Variants in CDH13 observed in about 807,000 individuals in gnomAD.
CDH13 encodes cadherin 13.
Under a neutral mutation model 63.8 loss-of-function variants are expected in CDH13, and 24 were observed. That is an observed-to-expected ratio of 0.38 (90% CI 0.27 to 0.53). The LOEUF (loss-of-function observed/expected upper bound fraction) is 0.53. Ranked by LOEUF, CDH13 falls within the 20% of genes least tolerant of loss-of-function variation. The pLI is 0.85. For missense variants in CDH13, 1,049 were observed against 903.1 expected, an observed-to-expected ratio of 1.16 and a Z score of -2.07; for synonymous variants, 503 against 355.3, an observed-to-expected ratio of 1.42 and a Z score of -4.67.
At chr16:82,962,487 G>A (rs993661615) in intron 2 of CDH13, among the ~76,000 whole-genome samples, 2 of 152,220 alleles carry the variant, frequency 1.3e-5, no homozygotes, top group East Asian at 3.8e-4. Context: ...TCAGATGCCT[G>A]TGCCTTTGTT....
At chr16:82,997,283 G>T (rs566338625) in intron 2 of CDH13, among the ~76,000 whole-genome samples, 2 of 152,238 alleles carry the variant, frequency 1.3e-5, no homozygotes, top group East Asian at 1.9e-4. Context: ...TCACTGACAA[G>T]CAAATGTGTA....
chr16:82,822,949 G>C (rs761366981), intron 1 of CDH13, among the ~76,000 whole-genome samples: 13 of 152,194 alleles, frequency 8.5e-5, no homozygotes, highest in Non-Finnish European at 1.8e-4. Flanking sequence ...TCATCTGGAA[G>C]TGCGCTCGCT....
At chr16:82,642,867 A>G (rs1487970162) in intron 1 of CDH13, among the ~76,000 whole-genome samples, 3 of 152,214 alleles carry the variant, frequency 2.0e-5, no homozygotes, top group Admixed American at 2.0e-4. Flanking sequence ...AGGTGGGGAA[A>G]CTTCAGGAGA....
intron 7 of CDH13, among the ~76,000 whole-genome samples, chr16:83,541,851 G>C (rs114690610): frequency 0.01 from 1,553 of 152,340 alleles, 15 homozygotes; most frequent in African/African-American, 0.031. Flanking sequence ...AGAATGTATA[G>C]AGCCCTAGAC....
chr16:83,780,188 C>T lies in CDH13; in HGVS notation c.1902C>T (p.Ile634=). 1.3e-6 allele frequency: 2 copies of T among 1,596,170 alleles called. No individual in the cohort carries two copies. The highest frequency in any genetic ancestry group is 1.7e-6 in the Non-Finnish European group (2 of 1,169,184). ...CTGTTCCTGATAAAGTCTGGAAGAT[C>T]TCCAAGATCAACAGTAAGTCTGGCT... ...KQAVPDKVWK[I]SKINNTHALV... is the part of the protein sequence containing the mutation. Residue 634 remains isoleucine, a synonymous_variant, in exon 12 of 14, where the codon ATC becomes ATT. Coordinates refer to ENST00000567109, the MANE Select transcript of CDH13 (RefSeq NM_001257.5).
chr16:83,295,061 C>A (rs545487911), intron 5 of CDH13, among the ~76,000 whole-genome samples: 1 of 152,004 alleles, frequency 6.6e-6, no homozygotes, highest in Non-Finnish European at 1.5e-5. Context: ...GAATAGAAAA[C>A]CCAGAAATAA....
chr16:83,451,275 G>A (rs188218350), intron 6 of CDH13, among the ~76,000 whole-genome samples: 528 of 152,306 alleles, frequency 3.5e-3, no homozygotes, highest in Non-Finnish European at 4.2e-3. Context: ...GGCGAAGGAG[G>A]AGCAAAGTTA....
chr16:83,447,038 A>C (rs1384200150), intron 6 of CDH13, among the ~76,000 whole-genome samples: 1 of 106,892 alleles, frequency 9.4e-6, no homozygotes, highest in Non-Finnish European at 1.8e-5. Flanking sequence ...TACCACCACC[A>C]CTGGTCACCC....
chr16:83,792,225 G>A (rs1265954161), intron 13 of CDH13, among the ~76,000 whole-genome samples: 1 of 152,234 alleles, frequency 6.6e-6, no homozygotes, highest in East Asian at 1.9e-4. Flanking sequence ...GCCCCTTAAA[G>A]TGACATGACA....
At chr16:82,640,196 C>G (rs926722819) in intron 1 of CDH13, among the ~76,000 whole-genome samples, 1 of 152,198 alleles carries the variant, frequency 6.6e-6, no homozygotes, top group African/African-American at 2.4e-5. Context: ...TTGTCCACCA[C>G]ACCCTCTTGG....
Position 83,348,322 on chromosome 16 carries a change from G to A in CDH13, c.781+3316G>A, listed in dbSNP as rs143055732. 4.6e-3 allele frequency among the ~76,000 whole-genome samples: 705 copies of A among 152,320 alleles called. 8 individuals carry two copies. The highest frequency in any genetic ancestry group is 0.016 in the African/African-American group (684 of 41,564). ...CAGTTCTATCAGATGAACTGATTTA[G>A]ATCCTCACAGAAAATGACTAGTTCT... On this transcript the variant is annotated intron_variant, in intron 6 of 13. Coordinates refer to ENST00000567109, the MANE Select transcript of CDH13 (RefSeq NM_001257.5).
chr16:83,600,798 A>C (rs1669316487), intron 7 of CDH13, among the ~76,000 whole-genome samples: 1 of 152,214 alleles, frequency 6.6e-6, no homozygotes, highest in Non-Finnish European at 1.5e-5. Context: ...TTAGCTGAAA[A>C]GTTCACAGGC....
At chr16:83,160,981 C>T (rs901884362) in intron 4 of CDH13, among the ~76,000 whole-genome samples, 1 of 152,206 alleles carries the variant, frequency 6.6e-6, no homozygotes, top group Non-Finnish European at 1.5e-5. Context: ...CAACCCAAGA[C>T]AGTCACAGAT....
chr16:83,376,890 C>T (rs771453577), intron 6 of CDH13, among the ~76,000 whole-genome samples: 14 of 152,076 alleles, frequency 9.2e-5, no homozygotes, highest in Admixed American at 5.9e-4. Context: ...TCTCTTGCAA[C>T]GTTCACTCTG....
At chr16:82,969,939 C>CT (rs573942848) in intron 2 of CDH13, among the ~76,000 whole-genome samples, 3,130 of 146,390 alleles carry the variant, frequency 0.021, 34 homozygotes, top group South Asian at 0.042. Flanking sequence ...TAGTATTTCT[C>CT]TTTTTTTTTT....
At chr16:82,934,564 T>C (rs2042605688) in intron 2 of CDH13, among the ~76,000 whole-genome samples, 1 of 152,192 alleles carries the variant, frequency 6.6e-6, no homozygotes, top group Admixed American at 6.5e-5. Context: ...CAGGCTTGAA[T>C]TTCTCCCCAG....
At chr16:83,781,310 A>T (rs1014638455) in intron 12 of CDH13, among the ~76,000 whole-genome samples, 2 of 152,194 alleles carry the variant, frequency 1.3e-5, no homozygotes, top group African/African-American at 4.8e-5. Context: ...CTTGTCTTCC[A>T]ATAAAGTAAA....
At chr16:83,028,778 A>G (rs1916046503) in intron 2 of CDH13, among the ~76,000 whole-genome samples, 1 of 152,294 alleles carries the variant, frequency 6.6e-6, no homozygotes, top group South Asian at 2.1e-4. Flanking sequence ...CCCATTTAAT[A>G]TTTTCAGACC....
At chr16:83,205,020 G>A (rs77277616) in intron 4 of CDH13, among the ~76,000 whole-genome samples, 6,376 of 152,308 alleles carry the variant, frequency 0.042, 270 homozygotes, top group African/African-American at 0.11. Flanking sequence ...GAACACTGCT[G>A]TGTGCCCAGA....
Sources: allele counts gnomAD v4.1 joint callset (sites outside exome capture counted in the v4.1 genomes callset), GRCh38; gene constraint gnomAD v4.1.1; transcripts MANE v1.5; gene names NCBI Gene and HGNC (gene_info 2026-07-23, HGNC 2026-07-21).